The following BRD9 variants were observed in gnomAD, a reference collection of about 807,000 sequenced individuals.
BRD9 encodes bromodomain-containing protein 9.
In BRD9, 47 loss-of-function variants were observed where a neutral mutation model predicts 68.7. That is an observed-to-expected ratio of 0.68 (90% confidence interval 0.54 to 0.87). BRD9 has a LOEUF of 0.87. BRD9 is among the 40% of genes least tolerant of loss of function. BRD9 has a pLI of 0.00. For synonymous variants in BRD9, 313 were observed against 293.9 expected, an observed-to-expected ratio of 1.06 and a Z score of -0.67; for missense variants, 670 against 748.4, an observed-to-expected ratio of 0.90 and a Z score of 1.22.
chr5:890,057 G>A (rs534139228), intron 3 of BRD9: 81 of 344,264 alleles, frequency 2.4e-4, no homozygotes, highest in African/African-American at 1.4e-3. Flanking sequence ...AATGGCCGGC[G>A]TGGTGGTGCG....
chr5:889,895 T>C (rs1560932075), intron 3 of BRD9: 1 of 597,818 alleles, frequency 1.7e-6, no homozygotes, highest in Non-Finnish European at 2.8e-6. Context: ...ATCAACAATA[T>C]GTGGTGATCA....
At position 883,427 on chromosome 5, in the gene BRD9, A is replaced by T. The variant is rs1032669123; in HGVS notation, c.966+511T>A. The T allele has an allele frequency of 8.8e-6, 4 of 456,876 alleles. No homozygotes were observed. In the East Asian group the frequency reaches 2.8e-4, roughly 32 times the overall value. 28.3% of individuals were successfully genotyped at this position (456,876 alleles called of 1,614,324 possible). ...GACAGCCTGTGCTCTGTTTCCACTG[A>T]AGACACTGGGTCTAGAACGTCTCCT... On this transcript the variant is annotated intron_variant, in intron 8 of 15. Transcript: ENST00000467963.
chr5:870,369 G>T, intron 14 of BRD9, 104 bp downstream of exon 14: 1 of 850,814 alleles, frequency 1.2e-6, no homozygotes, highest in Non-Finnish European at 1.9e-6. Context: ...GATTTTCCTG[G>T]CATCCCTGTC....
intron 7 of BRD9, among the ~76,000 whole-genome samples, chr5:885,896 G>A (rs916349502): frequency 1.3e-5 from 2 of 152,222 alleles, no homozygotes; most frequent in African/African-American, 2.4e-5. Flanking sequence ...CAGGAATGAC[G>A]TGTGATACGG....
In BRD9 at chr5:865,508, G is replaced by A; in HGVS notation, c.1599C>T (p.Asp533=). 6 of 1,608,346 alleles carry A rather than the reference G, an allele frequency of 3.7e-6. No individual in the cohort carries two copies. Among genetic ancestry groups the A allele is most frequent in the South Asian group, 1.1e-5 (1 of 91,028 alleles). ...NLDETTKLLQ[D]LHEAQAERGG... is the part of the protein sequence containing the mutation. ...CGCGCTCCGCCTGTGCTTCGTGCAGGTCCTGCAGGAGCTTCGTCGTCTCAT... is the reference window on the plus strand; with the variant it reads ...CGCGCTCCGCCTGTGCTTCGTGCAGATCCTGCAGGAGCTTCGTCGTCTCAT... Residue 533 remains aspartate, a synonymous_variant, in exon 15 of 16, where the codon GAC becomes GAT. Coordinates refer to ENST00000467963, the MANE Select transcript of BRD9 (RefSeq NM_023924.5).
At chr5:886,104 G>A (rs962126557) in intron 7 of BRD9, among the ~76,000 whole-genome samples, 7 of 152,180 alleles carry the variant, frequency 4.6e-5, no homozygotes, top group African/African-American at 1.7e-4. Flanking sequence ...ACACCTTCCT[G>A]ACCACAGGCC....
In BRD9 at chr5:892,683, C is replaced by A; in HGVS notation, c.-26G>T. The stretch of plus-strand genomic sequence containing the variant: ...GGCGGCGCCGGCGGCGGGCCCGAGG[C>A]GGGGGCTGGGAACAGCTGGCACCCG... On this transcript the variant is annotated 5_prime_UTR_variant, in exon 1 of 16. Coordinates refer to ENST00000467963, the MANE Select transcript of BRD9 (RefSeq NM_023924.5). 7.2e-7 allele frequency: 1 copy of A among 1,395,876 alleles called. No individual in the cohort carries two copies. The highest frequency in any genetic ancestry group is 9.3e-7 in the Non-Finnish European group (1 of 1,073,890). 86.5% of individuals were successfully genotyped at this position (1,395,876 alleles called of 1,614,324 possible).
At chr5:892,282 G>A (rs1341071743) in intron 1 of BRD9, 2 of 499,862 alleles carry the variant, frequency 4.0e-6, no homozygotes, top group Non-Finnish European at 6.8e-6. Flanking sequence ...GGGAGGGAAA[G>A]GCGGGAGAAA....
Position 871,482 on chromosome 5 carries a change from G to T in BRD9, c.1422+44C>A, listed in dbSNP as rs747142456. 3.8e-6 allele frequency: 6 copies of T among 1,588,904 alleles called. No individual in the cohort carries two copies. The South Asian group carries it at 5.5e-5, about 15-fold the overall frequency. On this transcript the variant is annotated intron_variant, in intron 13 of 15. Transcript: ENST00000467963. ...TCAAAGGCTGGATACAACTTTCCCT[G>T]TGAGAATAATATTTGGCTTGCCCTT...
At position 876,188 on chromosome 5, in the gene BRD9, A is replaced by G. The variant is rs1006959601; in HGVS notation, c.1296T>C (p.Ala432=). The part of the protein sequence containing the change: ...ALSLQEFVKD[A]GSYSKKVVDD... ...CCACCACTTTCTTGCTGTAGCTCCC[A>G]GCATCCTTCACAAACTCCTGCAGGC... Residue 432 remains alanine, a synonymous_variant, in exon 12 of 16, where the codon GCT becomes GCC. Transcript: ENST00000467963. 7.4e-6 allele frequency: 12 copies of G among 1,613,908 alleles called. No homozygotes were observed. The highest frequency in any genetic ancestry group is 1.0e-5 in the Non-Finnish European group (12 of 1,179,952).
intron 1 of BRD9, 71 bp from the exon 2 acceptor site, chr5:891,925 A>G: frequency 1.3e-6 from 2 of 1,531,750 alleles, no homozygotes. Context: ...TGAGACGTGA[A>G]GGTGCTAAGA....
chr5:866,385 A>G (rs765100860), intron 14 of BRD9: 11 of 152,412 alleles, frequency 7.2e-5, no homozygotes, highest in African/African-American at 2.2e-4. Context: ...CTCAAAGCTG[A>G]TATCAGGGAA....
At chr5:874,049 A>C (rs1228220891) in intron 12 of BRD9, among the ~76,000 whole-genome samples, 1 of 152,246 alleles carries the variant, frequency 6.6e-6, no homozygotes, top group East Asian at 1.9e-4. Flanking sequence ...AAAGAGAGAA[A>C]GAACCCAGAT....
intron 4 of BRD9, 65 bp from the exon 5 acceptor site, chr5:889,230 A>C: frequency 6.6e-7 from 1 of 1,521,920 alleles, no homozygotes; most frequent in East Asian, 2.3e-5. Context: ...ATCTCTTACA[A>C]TCCAAAAATT....
intron 7 of BRD9, among the ~76,000 whole-genome samples, chr5:884,874 C>T (rs1752315503): frequency 6.6e-6 from 1 of 152,250 alleles, no homozygotes; most frequent in African/African-American, 2.4e-5. Context: ...CCGATGCGCA[C>T]TGCTGTGACA....
At chr5:871,465 T>C in intron 13 of BRD9, 61 bp downstream of exon 13, 3 of 1,514,392 alleles carry the variant, frequency 2.0e-6, no homozygotes, top group Non-Finnish European at 2.8e-6. Flanking sequence ...CCTCAAAGGC[T>C]GGATACAACT....
chr5:885,110 G>A (rs1434629492), intron 7 of BRD9, among the ~76,000 whole-genome samples: 13 of 152,226 alleles, frequency 8.5e-5, no homozygotes, highest in East Asian at 3.9e-4. Context: ...ACCATGAGGC[G>A]GCAAAGGGCG....
chr5:889,711 A>G, intron 3 of BRD9, 64 bp from the exon 4 acceptor site: 1 of 1,595,650 alleles, frequency 6.3e-7, no homozygotes, highest in South Asian at 1.1e-5. Flanking sequence ...AGAGAGCTCC[A>G]AGTTCACAGT....
chr5:887,762 A>G (rs1439389330), intron 5 of BRD9, among the ~76,000 whole-genome samples: 1 of 152,198 alleles, frequency 6.6e-6, no homozygotes, highest in Non-Finnish European at 1.5e-5. Context: ...CGCTTCTTGC[A>G]TTTCTCCAGA....
Sources: gnomAD v4.1 joint callset for allele counts (sites outside exome capture counted in the v4.1 genomes callset) on GRCh38, gnomAD v4.1.1 for gene constraint, MANE v1.5 for transcripts, NCBI Gene and HGNC (gene_info 2026-07-23, HGNC 2026-07-21) for gene names.